Variants in LYSMD3 observed in about 807,000 individuals in gnomAD.
The protein encoded by LYSMD3 is lysM and putative peptidoglycan-binding domain-containing protein 3.
A neutral mutation model predicts 26.1 loss-of-function variants in LYSMD3; 13 were observed. The observed-to-expected ratio is 0.50, with a 90% CI of 0.32 to 0.79. LYSMD3 has a LOEUF of 0.79. LYSMD3 is among the 30% of genes least tolerant of loss of function. LYSMD3 has a pLI of 0.03. For missense variants in LYSMD3, 331 were observed against 362.5 expected (o/e 0.91, Z 0.71); for synonymous variants, 109 against 119.4 (o/e 0.91, Z 0.57).
At position 90,516,744 on chromosome 5, in the gene LYSMD3, T is replaced by C. The variant is rs1016617092; in HGVS notation, c.*2075A>G. ...AGAAAAAAGAAAACTACCTGATGTGTTATAAGGATGTATATTTCCTTCAAA... is the reference window on the plus strand; with the variant it reads ...AGAAAAAAGAAAACTACCTGATGTGCTATAAGGATGTATATTTCCTTCAAA... On this transcript the variant is annotated 3_prime_UTR_variant, in exon 3 of 3. Coordinates refer to ENST00000315948, the MANE Select transcript of LYSMD3 (RefSeq NM_198273.2). 6 of 152,464 alleles carry C rather than the reference T, an allele frequency of 3.9e-5. No homozygotes were observed. Among genetic ancestry groups the C allele is most frequent in the Admixed American group, 1.3e-4 (2 of 15,280 alleles). 9.4% of individuals were successfully genotyped at this position (152,464 alleles called of 1,614,324 possible). A position where few individuals can be genotyped will look rare whatever the true frequency, so the allele number is the denominator to read the frequency against.
intron 2 of LYSMD3, among the ~76,000 whole-genome samples, chr5:90,522,349 A>C (rs1344870392): frequency 6.6e-6 from 1 of 152,192 alleles, no homozygotes; most frequent in Non-Finnish European, 1.5e-5. Flanking sequence ...CTTTTCTTAT[A>C]AACTACCCAG....
intron 1 of LYSMD3, among the ~76,000 whole-genome samples, chr5:90,526,173 G>A (rs1176207094): frequency 6.6e-6 from 1 of 152,018 alleles, no homozygotes; most frequent in African/African-American, 2.4e-5. Context: ...ACTTCCTCCT[G>A]GACTTTGGTA....
chr5:90,526,582 G>C (rs1467905542), intron 1 of LYSMD3, among the ~76,000 whole-genome samples: 1 of 152,186 alleles, frequency 6.6e-6, no homozygotes, highest in East Asian at 1.9e-4. Flanking sequence ...TTCAGTTCTT[G>C]TTGGGAAAGA....
intron 1 of LYSMD3, 142 bp from the exon 2 acceptor site, chr5:90,525,442 T>C (rs1014607603): frequency 4.5e-6 from 4 of 898,568 alleles, no homozygotes; most frequent in Admixed American, 3.2e-5. Flanking sequence ...TTAAGTTCGT[T>C]TTTTTGTTTT....
At chr5:90,522,786 C>T (rs1243046157) in intron 2 of LYSMD3, among the ~76,000 whole-genome samples, 1 of 152,250 alleles carries the variant, frequency 6.6e-6, no homozygotes, top group Admixed American at 6.5e-5. Context: ...GTCTGTGCCA[C>T]TCACTTCGGA....
intron 2 of LYSMD3, among the ~76,000 whole-genome samples, chr5:90,523,339 A>G (rs1753138952): frequency 1.3e-5 from 2 of 152,032 alleles, no homozygotes; most frequent in Admixed American, 1.3e-4. Context: ...GTGAATTGTA[A>G]TAAGAAATGT....
In LYSMD3 at chr5:90,519,257, TA is replaced by T; in HGVS notation, c.482del (p.Leu161Ter). 6.2e-7 allele frequency: 1 copy of T among 1,613,980 alleles called. No individual in the cohort carries two copies. The highest frequency in any genetic ancestry group is 8.5e-7 in the Non-Finnish European group (1 of 1,179,988). On this transcript the variant is annotated frameshift_variant, in exon 3 of 3. Transcript: ENST00000315948. LOFTEE classifies it high-confidence loss of function. Reference protein sequence around the residue: ...LAYSDSAGSFLKEVDRDIEQI... With the variant: ...LAYSDSAGSFXKEVDRDIEQI... ...GTTCTATGTCTCGGTCTACTTCTTTTAAAAAGCTACCAGCTGAGTCACTGTA... is the reference window on the plus strand; with the variant it reads ...GTTCTATGTCTCGGTCTACTTCTTTTAAAAGCTACCAGCTGAGTCACTGTA...
chr5:90,517,309 T>C lies in LYSMD3; in HGVS notation c.*1510A>G, dbSNP rs1752974034. 6.6e-6 allele frequency: 1 copy of C among 151,988 alleles called. No individual in the cohort carries two copies. Among genetic ancestry groups the C allele is most frequent in the Non-Finnish European group, 1.5e-5 (1 of 67,894 alleles). 9.4% of individuals were successfully genotyped at this position (151,988 alleles called of 1,614,324 possible). A position where few individuals can be genotyped will look rare whatever the true frequency, so the allele number is the denominator to read the frequency against. On this transcript the variant is annotated 3_prime_UTR_variant, in exon 3 of 3. Coordinates refer to ENST00000315948, the MANE Select transcript of LYSMD3 (RefSeq NM_198273.2). ...AAATATTTACTTATTCTGAGTTAAA[T>C]TTGAAATATATAAAATGACTTATCA...
chr5:90,518,914 T>C lies in LYSMD3; in HGVS notation c.826A>G (p.Ile276Val). ...AAATGTATTCCTTTAGTTGGCACAA[T>C]TCCATTTTCCATTTCTCTCTGCTGT... The part of the protein sequence containing the change: ...PSQQREMENG[I>V]VPTKGIHFSQ... The change falls in exon 3 of 3, where the codon ATT becomes GTT. Residue 276 changes from isoleucine to valine, a missense_variant. Around this residue, in one of 3 missense-constraint regions of LYSMD3, gnomAD observed 61 missense variants for 66.8 expected, o/e 0.91. Coordinates refer to ENST00000315948, the MANE Select transcript of LYSMD3 (RefSeq NM_198273.2). 6.2e-7 allele frequency: 1 copy of C among 1,614,058 alleles called. No individual in the cohort carries two copies. The highest frequency in any genetic ancestry group is 8.5e-7 in the Non-Finnish European group (1 of 1,179,952).
Position 90,519,499 on chromosome 5 carries a change from A to T in LYSMD3, c.256-15T>A, listed in dbSNP as rs1291886523. 6.3e-7 allele frequency: 1 copy of T among 1,585,102 alleles called. No individual in the cohort carries two copies. The highest frequency in any genetic ancestry group is 8.6e-7 in the Non-Finnish European group (1 of 1,168,806). On this transcript the variant is annotated splice_polypyrimidine_tract_variant and intron_variant, in intron 2 of 2. Coordinates refer to ENST00000315948, the MANE Select transcript of LYSMD3 (RefSeq NM_198273.2). ...ATATCTGCTACCTGTGGGGGGGAAA[A>T]AAAAGCAACATACAACTGAATTCCA...
In LYSMD3 at chr5:90,519,204, C is replaced by T; in HGVS notation, c.536G>A (p.Arg179Lys). 6.2e-7 allele frequency: 1 copy of T among 1,613,982 alleles called. No homozygotes were observed. The highest frequency in any genetic ancestry group is 1.7e-5 in the Admixed American group (1 of 60,010). Residue 179 changes from arginine (R) to lysine (K), a missense_variant, in exon 3 of 3, where the codon AGA becomes AAA. By Grantham distance (26) the Arg-to-Lys change is conservative. Around this residue, in one of 3 missense-constraint regions of LYSMD3, gnomAD observed 262 missense variants for 267.3 expected, o/e 0.98. Transcript: ENST00000315948. ...CGATACTACCTCATTGAGGTTCTCT[C>T]TCTTATTGTCTGTACACTTTACTAT... ...EQIVKCTDNKRENLNEVVSAL... is the reference protein window; with the variant it reads ...EQIVKCTDNKKENLNEVVSAL...
chr5:90,523,352 A>T (rs1383671659), intron 2 of LYSMD3, among the ~76,000 whole-genome samples: 1 of 151,950 alleles, frequency 6.6e-6, no homozygotes, highest in Non-Finnish European at 1.5e-5. Context: ...AGAAATGTGA[A>T]TTATTGCAAT....
intron 1 of LYSMD3, among the ~76,000 whole-genome samples, chr5:90,529,178 T>A (rs75293138): frequency 6.6e-6 from 1 of 152,126 alleles, no homozygotes; most frequent in Non-Finnish European, 1.5e-5. Context: ...AATGCTGTGT[T>A]TGGGTGGGAA....
intron 2 of LYSMD3, among the ~76,000 whole-genome samples, chr5:90,521,243 G>T (rs1229175921): frequency 6.6e-6 from 1 of 152,070 alleles, no homozygotes; most frequent in African/African-American, 2.4e-5. Context: ...TTATAGGGTT[G>T]AGGTGAACAT....
At position 90,516,613 on chromosome 5, in the gene LYSMD3, T is replaced by C. The variant is rs988881567; in HGVS notation, c.*2206A>G. On this transcript the variant is annotated 3_prime_UTR_variant, in exon 3 of 3. Transcript: ENST00000315948. Reference sequence around the variant, plus strand: ...ATGTATTAAATGCTTAGAAAATTCATTTCTTTCCTAAACAGATTAGAACCA... The same window carrying C: ...ATGTATTAAATGCTTAGAAAATTCACTTCTTTCCTAAACAGATTAGAACCA... 3.9e-5 allele frequency: 6 copies of C among 152,306 alleles called. No individual in the cohort carries two copies. Among genetic ancestry groups the C allele is most frequent in the East Asian group, 1.9e-4 (1 of 5,202 alleles). 9.4% of individuals were successfully genotyped at this position (152,306 alleles called of 1,614,324 possible).
chr5:90,519,193 T>C lies in LYSMD3; in HGVS notation c.547A>G (p.Asn183Asp), dbSNP rs1313715887. ...GCTGTTAAGGCCGATACTACCTCAT[T>C]GAGGTTCTCTCTCTTATTGTCTGTA... is the stretch of plus-strand genomic sequence containing the variant. ...KCTDNKRENL[N>D]EVVSALTAQQ... The change falls in exon 3 of 3, where the codon AAT (asparagine) becomes GAT (aspartate). Residue 183 changes from asparagine (N) to aspartate (D), a missense_variant. Physicochemically the swap from Asn to Asp is conservative, Grantham distance 23. Coordinates refer to ENST00000315948, the MANE Select transcript of LYSMD3 (RefSeq NM_198273.2). 2.5e-6 allele frequency: 4 copies of C among 1,613,846 alleles called. No individual in the cohort carries two copies. Among genetic ancestry groups the C allele is most frequent in the Non-Finnish European group, 2.5e-6 (3 of 1,179,886 alleles).
rs1753007555 is a variant in LYSMD3, at chr5:90,518,678, CAA to C, written c.*139_*140del. The C allele has an allele frequency of 8.8e-6, 7 of 791,082 alleles. No individual in the cohort carries two copies. The highest frequency in any genetic ancestry group is 1.3e-5 in the Non-Finnish European group (7 of 525,432). 49.0% of individuals were successfully genotyped at this position (791,082 alleles called of 1,614,324 possible). ...AACAACTAGTTGCTCAAAAAATTTT[CAA>C]AGTGTGAAACCCTTTTGTTAAAAAC... is the stretch of plus-strand genomic sequence containing the variant. On this transcript the variant is annotated 3_prime_UTR_variant, in exon 3 of 3. Coordinates refer to ENST00000315948, the MANE Select transcript of LYSMD3 (RefSeq NM_198273.2).
At chr5:90,524,039 C>CA (rs1287557274) in intron 2 of LYSMD3, among the ~76,000 whole-genome samples, 1 of 152,082 alleles carries the variant, frequency 6.6e-6, no homozygotes, top group East Asian at 1.9e-4. Flanking sequence ...ATCTATCCCA[C>CA]AGAAGTAAAG....
Position 90,525,055 on chromosome 5 carries a change from CTATTGCATTTAA to C in LYSMD3, c.223_234del (p.Leu75_Ile78del). 6.2e-7 allele frequency: 1 copy of C among 1,608,006 alleles called. No individual in the cohort carries two copies. Among genetic ancestry groups the C allele is most frequent in the Non-Finnish European group, 8.5e-7 (1 of 1,176,014 alleles). ...CTTACCGTACAACAGTACTGAAGGG[CTATTGCATTTAA>C]TGTATCTCCTTCTTGTATATCTTTT... On this transcript the variant is annotated inframe_deletion, in exon 2 of 3. Coordinates refer to ENST00000315948, the MANE Select transcript of LYSMD3 (RefSeq NM_198273.2).
Sources: gnomAD v4.1 joint callset for allele counts (sites outside exome capture counted in the v4.1 genomes callset) on GRCh38, gnomAD v4.1.1 for gene constraint, gnomAD v4.1.1 regional missense constraint, MANE v1.5 for transcripts, NCBI Gene and HGNC (gene_info 2026-07-23, HGNC 2026-07-21) for gene names.